The following KNTC1 variants were observed in gnomAD, a reference collection of about 807,000 sequenced individuals.
The protein encoded by KNTC1 is kinetochore associated 1.
A neutral mutation model predicts 314.4 loss-of-function variants in KNTC1; 253 were observed. That is an observed-to-expected ratio of 0.80 (90% CI 0.73 to 0.89). The LOEUF (loss-of-function observed/expected upper bound fraction) is 0.89. KNTC1 is among the 40% of genes least tolerant of loss of function. KNTC1 has a pLI of 0.00. For synonymous variants in KNTC1, 901 were observed against 901.4 expected, an observed-to-expected ratio of 1.00 and a Z score of 0.01; for missense variants, 2,475 against 2,572.9, an observed-to-expected ratio of 0.96 and a Z score of 0.82.
chr12:122,621,893 T>C lies in KNTC1; in HGVS notation c.6292T>C (p.Ser2098Pro). 6.3e-7 allele frequency: 1 copy of C among 1,598,264 alleles called. No individual in the cohort carries two copies. Among genetic ancestry groups the C allele is most frequent in the Non-Finnish European group, 8.5e-7 (1 of 1,171,628 alleles). ...RHQQIKNFLG[S>P]CDPQVILKQL... ...GATTTTTCTCTAGAATTTTCTGGGT[T>C]CCTGTGACCCTCAGGTTATTTTAAA... The change falls in exon 61 of 64, where the codon TCC (serine) becomes CCC (proline). Residue 2098 changes from serine to proline, a missense_variant. Coordinates refer to ENST00000333479, the MANE Select transcript of KNTC1 (RefSeq NM_014708.6).
At chr12:122,527,691 G>A (rs1310313925) in intron 1 of KNTC1, 1 of 152,184 alleles carries the variant, frequency 6.6e-6, no homozygotes, top group Non-Finnish European at 1.5e-5. Context: ...GGTTTTATTG[G>A]ACTCCACTGC....
At chr12:122,560,499 A>G (rs1435721800) in intron 18 of KNTC1, among the ~76,000 whole-genome samples, 3 of 152,012 alleles carry the variant, frequency 2.0e-5, no homozygotes, top group East Asian at 1.9e-4. Flanking sequence ...CAGCCTCCCA[A>G]GTAGCTGGGA....
At chr12:122,546,371 CTT>C in intron 9 of KNTC1, 102 bp downstream of exon 9, 2 of 738,042 alleles carry the variant, frequency 2.7e-6, no homozygotes, top group Non-Finnish European at 4.6e-6. Context: ...CCCTACCACT[CTT>C]TGAAACAAGC....
chr12:122,547,842 C>T (rs2137753232), intron 11 of KNTC1, 73 bp from the exon 12 acceptor site: 5 of 847,222 alleles, frequency 5.9e-6, no homozygotes, highest in Non-Finnish European at 7.1e-6. Context: ...CTTTTTTAAT[C>T]AATAGATAAT....
At chr12:122,575,516 C>T in intron 27 of KNTC1, 27 bp from the exon 28 acceptor site, 1 of 1,508,242 alleles carries the variant, frequency 6.6e-7, no homozygotes, top group South Asian at 1.2e-5. Flanking sequence ...GAGGGCTGTT[C>T]CTTGTCCATG....
chr12:122,572,654 C>G (rs755736185), intron 24 of KNTC1, among the ~76,000 whole-genome samples: 14 of 152,004 alleles, frequency 9.2e-5, no homozygotes, highest in Non-Finnish European at 1.9e-4. Context: ...TGAGCACTAC[C>G]TAAATGATGC....
intron 19 of KNTC1, 22 bp downstream of exon 19, chr12:122,561,996 G>T (rs1002923917): frequency 3.1e-6 from 5 of 1,587,538 alleles, no homozygotes; most frequent in Non-Finnish European, 4.3e-6. Flanking sequence ...AGATTTCTAG[G>T]TTAATATGTG....
At position 122,582,929 on chromosome 12, in the gene KNTC1, G is replaced by T. The variant is rs1246509736; in HGVS notation, c.3207G>T (p.Glu1069Asp). ...LQMSKQELEA[E>D]LTLRALKDGN... The stretch of plus-strand genomic sequence containing the variant: ...TGTCCAAACAAGAGCTGGAGGCAGA[G>T]CTGACCTTGAGAGCCTTAAAAGATG... Residue 1069 changes from glutamate to aspartate, a missense_variant, in exon 34 of 64, where the codon GAG becomes GAT. Transcript: ENST00000333479. 12 of 1,613,680 alleles carry T rather than the reference G, an allele frequency of 7.4e-6. No individual in the cohort carries two copies. The highest frequency in any genetic ancestry group is 9.3e-6 in the Non-Finnish European group (11 of 1,179,772).
chr12:122,568,811 G>A (rs1565966143), intron 21 of KNTC1, among the ~76,000 whole-genome samples: 1 of 151,982 alleles, frequency 6.6e-6, no homozygotes, highest in Non-Finnish European at 1.5e-5. Context: ...ACTCCAGCCT[G>A]GGTGACAGAG....
chr12:122,556,876 A>G lies in KNTC1; in HGVS notation c.1273-508A>G, dbSNP rs139830872. On this transcript the variant is annotated intron_variant, in intron 16 of 63. Coordinates refer to ENST00000333479, the MANE Select transcript of KNTC1 (RefSeq NM_014708.6). ...TATCTCACTTACCATAATGTCCTTC[A>G]GGTTTATCTGTGTTGTTGTTGGAAA... Among the ~76,000 whole-genome samples, 1,295 of 140,160 alleles carry G rather than the reference A, an allele frequency of 9.2e-3. 13 individuals are homozygous for G. Among genetic ancestry groups the G allele is most frequent in the African/African-American group, 0.033 (1,241 of 37,550 alleles). The allele number at this position is 140,160 out of a possible 152,430, so 92.0% of individuals were successfully genotyped here.
Position 122,584,906 on chromosome 12 carries a change from T to A in KNTC1, c.3450T>A (p.Asp1150Glu), listed in dbSNP as rs752849627. ...ATICSPDFLL[D>E]ALELCKHTLM... is the part of the protein sequence containing the mutation. ...ATTTTGTTTCAGATTTTTTACTAGA[T>A]GCTTTAGAACTATGTAAACATACTT... The change falls in exon 36 of 64, where the codon GAT becomes GAA. Residue 1150 changes from aspartate (D) to glutamate (E), a missense_variant. Coordinates refer to ENST00000333479, the MANE Select transcript of KNTC1 (RefSeq NM_014708.6). The A allele has an allele frequency of 9.0e-6, 14 of 1,554,074 alleles. No homozygotes were observed. Among genetic ancestry groups the A allele is most frequent in the Non-Finnish European group, 1.2e-5 (14 of 1,129,616 alleles).
At chr12:122,563,505 C>T (rs1964115105) in intron 20 of KNTC1, among the ~76,000 whole-genome samples, 2 of 152,106 alleles carry the variant, frequency 1.3e-5, no homozygotes, top group African/African-American at 4.8e-5. Flanking sequence ...CTCCAAGACA[C>T]CCGCTAACCC....
chr12:122,537,551 C>T (rs1961939090), intron 3 of KNTC1, among the ~76,000 whole-genome samples: 1 of 151,758 alleles, frequency 6.6e-6, no homozygotes, highest in South Asian at 2.1e-4. Context: ...CCTGAGTAGA[C>T]TGGATTACAG....
At chr12:122,622,794 CA>C (rs1004593814) in intron 62 of KNTC1, among the ~76,000 whole-genome samples, 187 bp downstream of exon 62, 5 of 151,822 alleles carry the variant, frequency 3.3e-5, no homozygotes, top group Non-Finnish European at 7.4e-5. Context: ...ACTAAAAATA[CA>C]AAATTAGCCG....
chr12:122,625,263 C>T (rs186509316), intron 63 of KNTC1, among the ~76,000 whole-genome samples: 5 of 152,116 alleles, frequency 3.3e-5, no homozygotes, highest in Admixed American at 6.5e-5. Flanking sequence ...ATTAGCCAGG[C>T]GTGGTGGCAC....
intron 1 of KNTC1, 42 bp from the exon 2 acceptor site, chr12:122,529,949 A>G: frequency 8.8e-7 from 1 of 1,141,970 alleles, no homozygotes; most frequent in Non-Finnish European, 1.2e-6. Flanking sequence ...TTTTGTGAGT[A>G]AGCTTTATCA....
rs1869591785 is a variant in KNTC1 at position 122,587,839 on chromosome 12, G to C, written c.3859G>C (p.Val1287Leu). The change falls in exon 39 of 64, where the codon GTG becomes CTG. Residue 1287 changes from valine to leucine, a missense_variant. Coordinates refer to ENST00000333479, the MANE Select transcript of KNTC1 (RefSeq NM_014708.6). ...ATTTGGTACCTGTCTTCAGCACTCT[G>C]TGTCAAACTTCATGAATGCCACTTT... ...GSFGTCLQHSVSNFMNATLSE... is the reference protein window; with the variant it reads ...GSFGTCLQHSLSNFMNATLSE... The C allele has an allele frequency of 1.2e-6, 2 of 1,613,774 alleles. No homozygotes were observed. The highest frequency in any genetic ancestry group is 4.5e-5 in the East Asian group (2 of 44,870).
At chr12:122,624,513 A>G (rs534326572) in intron 62 of KNTC1, 85 bp from the exon 63 acceptor site, 2 of 855,748 alleles carry the variant, frequency 2.3e-6, no homozygotes, top group African/African-American at 1.7e-5. Context: ...AGCCATCTGT[A>G]CATCTTGGCC....
chr12:122,571,470 C>T (rs1047512519), intron 24 of KNTC1, among the ~76,000 whole-genome samples: 4 of 151,938 alleles, frequency 2.6e-5, no homozygotes, highest in African/African-American at 9.7e-5. Flanking sequence ...GTGATCCTCC[C>T]ACCTCAGCCT....
Sources: gnomAD v4.1 joint callset for allele counts (sites outside exome capture counted in the v4.1 genomes callset) on GRCh38, gnomAD v4.1.1 for gene constraint, MANE v1.5 for transcripts, NCBI Gene and HGNC (gene_info 2026-07-23, HGNC 2026-07-21) for gene names.